The following ARNT variants were observed in gnomAD, a reference collection of about 807,000 sequenced individuals.
ARNT encodes aryl hydrocarbon receptor nuclear translocator.
A neutral mutation model predicts 105.0 loss-of-function variants in ARNT; 30 were observed. The ratio of observed to expected loss-of-function variants is 0.29; its 90% CI spans 0.21 to 0.39. ARNT has a LOEUF of 0.39. Among genes scored for constraint, ARNT ranks in the 10% least tolerant of loss-of-function variants. ARNT has a pLI of 1.00. For missense variants in ARNT, 748 were observed against 978.7 expected (o/e 0.76, Z 3.15); for synonymous variants, 304 against 344.0 (o/e 0.88, Z 1.29).
At chr1:150,834,238 G>A (rs1659868603) in intron 8 of ARNT, among the ~76,000 whole-genome samples, 1 of 152,082 alleles carries the variant, frequency 6.6e-6, no homozygotes. Flanking sequence ...ACTGCACCTG[G>A]CCAAGTTCAT....
At chr1:150,813,482 T>A in intron 20 of ARNT, 144 bp from the exon 21 acceptor site, 1 of 843,776 alleles carries the variant, frequency 1.2e-6, no homozygotes. Flanking sequence ...ATGCCTTTTC[T>A]ATCTCAAAAC....
At chr1:150,840,712 A>G (rs1003563518) in intron 5 of ARNT, among the ~76,000 whole-genome samples, 1 of 152,224 alleles carries the variant, frequency 6.6e-6, no homozygotes, top group African/African-American at 2.4e-5. Context: ...AAGGTCTGAC[A>G]AGACAATTTG....
At chr1:150,860,218 C>T (rs199939658) in intron 1 of ARNT, among the ~76,000 whole-genome samples, 65 of 112,976 alleles carry the variant, frequency 5.8e-4, no homozygotes, top group Middle Eastern at 5.6e-3. Flanking sequence ...AAAAAAAATT[C>T]TTTTTTTTTT....
intron 5 of ARNT, among the ~76,000 whole-genome samples, chr1:150,841,185 C>T (rs1025466174): frequency 3.3e-5 from 5 of 151,036 alleles, no homozygotes; most frequent in Admixed American, 2.0e-4. Context: ...CTCTTGACCT[C>T]GTGATCTGCC....
At chr1:150,843,542 C>T (rs1265560856) in intron 4 of ARNT, among the ~76,000 whole-genome samples, 8 of 152,138 alleles carry the variant, frequency 5.3e-5, no homozygotes, top group African/African-American at 1.2e-4. Flanking sequence ...TAAAAATTTA[C>T]GCATATATTC....
chr1:150,842,128 C>A (rs1025083376), intron 5 of ARNT: 7 of 315,302 alleles, frequency 2.2e-5, no homozygotes, highest in Non-Finnish European at 3.2e-5. Flanking sequence ...GGTTGCATTC[C>A]TTCTAAGAGC....
rs181955762 is a variant in ARNT at position 150,858,944 on chromosome 1, G to A, written c.26-484C>T. The stretch of plus-strand genomic sequence containing the variant: ...GGTCTCTTCTTGAATTCTTACACTG[G>A]TACAAGATATCCCCATACTTCAGTT... On this transcript the variant is annotated intron_variant, in intron 1 of 21. Transcript: ENST00000358595. Among the ~76,000 whole-genome samples, 203 of 151,526 alleles carry A rather than the reference G, an allele frequency of 1.3e-3. 1 individual carries two copies. The highest frequency in any genetic ancestry group is 1.7e-3 in the Non-Finnish European group (118 of 67,894).
chr1:150,834,510 A>C, intron 8 of ARNT, 28 bp downstream of exon 8: 1 of 1,606,060 alleles, frequency 6.2e-7, no homozygotes, highest in Non-Finnish European at 8.5e-7. Flanking sequence ...TTCCTATACC[A>C]AATCACAATC....
At chr1:150,821,330 T>C (rs1421539412) in intron 14 of ARNT, among the ~76,000 whole-genome samples, 1 of 152,204 alleles carries the variant, frequency 6.6e-6, no homozygotes, top group African/African-American at 2.4e-5. Context: ...TGTTCCCAAA[T>C]GTTATTCAAG....
rs1394920588 is a variant in ARNT at position 150,810,895 on chromosome 1, G to A, written c.*1126C>T. The A allele has an allele frequency of 4.4e-6, 1 of 225,464 alleles. No individual in the cohort carries two copies. Among genetic ancestry groups the A allele is most frequent in the African/African-American group, 2.2e-5 (1 of 44,866 alleles). 14.0% of individuals were successfully genotyped at this position (225,464 alleles called of 1,614,324 possible). ...AAATCTCAGTTGCTTGCTAAACTGGGTATTTTGAGTATGGGATGAAAGAGG... is the reference window on the plus strand; with the variant it reads ...AAATCTCAGTTGCTTGCTAAACTGGATATTTTGAGTATGGGATGAAAGAGG... On this transcript the variant is annotated 3_prime_UTR_variant, in exon 22 of 22. Transcript: ENST00000358595.
chr1:150,868,698 G>A (rs1004282184), intron 1 of ARNT, among the ~76,000 whole-genome samples: 6 of 151,960 alleles, frequency 3.9e-5, no homozygotes, highest in African/African-American at 9.6e-5. Context: ...TCAGGAGATC[G>A]AGACCATCCT....
In ARNT at chr1:150,826,625, A is replaced by G; in HGVS notation, c.1168-8T>C. ...ATTCTTTCCTAAGAGTTCCTAGAAT[A>G]CAGAAAGAAGAGTAAGATATATACT... On this transcript the variant is annotated splice_region_variant and splice_polypyrimidine_tract_variant and intron_variant, in intron 12 of 21. Coordinates refer to ENST00000358595, the MANE Select transcript of ARNT (RefSeq NM_001668.4). 6.3e-7 allele frequency: 1 copy of G among 1,599,138 alleles called. No homozygotes were observed. Among genetic ancestry groups the G allele is most frequent in the Non-Finnish European group, 8.6e-7 (1 of 1,168,374 alleles).
chr1:150,864,955 T>C (rs1239110175), intron 1 of ARNT, among the ~76,000 whole-genome samples: 2 of 149,256 alleles, frequency 1.3e-5, no homozygotes, highest in African/African-American at 4.9e-5. Flanking sequence ...AGAGAAAGCT[T>C]TGAATGCCAC....
At chr1:150,838,967 C>T (rs961598428) in intron 6 of ARNT, among the ~76,000 whole-genome samples, 1 of 152,194 alleles carries the variant, frequency 6.6e-6, no homozygotes, top group Admixed American at 6.5e-5. Context: ...TTTACGCCTT[C>T]TTTTTTTCAT....
At chr1:150,833,792 A>G (rs1319363052) in intron 8 of ARNT, among the ~76,000 whole-genome samples, 1 of 152,098 alleles carries the variant, frequency 6.6e-6, no homozygotes, top group Non-Finnish European at 1.5e-5. Flanking sequence ...AAAAAAAAAA[A>G]GAAGAAATGG....
chr1:150,871,294 GTTTTTTTT>G (rs754698911), intron 1 of ARNT, among the ~76,000 whole-genome samples: 5 of 94,620 alleles, frequency 5.3e-5, no homozygotes, highest in Non-Finnish European at 8.2e-5. Context: ...GGCAGTCGTG[GTTTTTTTT>G]TTTTTTTTTT....
In ARNT at chr1:150,816,399, C is replaced by T. The variant is rs114389253; in HGVS notation, c.1810G>A (p.Gly604Ser). 5.0e-4 allele frequency: 808 copies of T among 1,604,000 alleles called. No individual in the cohort carries two copies. The highest frequency in any genetic ancestry group is 6.5e-4 in the Non-Finnish European group (768 of 1,177,264). ...ACAATGGTTACAGGAGGGGCTAGGC[C>T]ACTATTCCTAGGAGTGAATAAATGA... ...PRPAENFRNS[G>S]LAPPVTIVQP... The change falls in exon 19 of 22, where the codon GGC becomes AGC. Residue 604 changes from glycine (G) to serine (S), a missense_variant. Coordinates refer to ENST00000358595, the MANE Select transcript of ARNT (RefSeq NM_001668.4).
chr1:150,835,192 A>C (rs1200844010), intron 7 of ARNT, among the ~76,000 whole-genome samples: 1 of 151,978 alleles, frequency 6.6e-6, no homozygotes. Context: ...AAAACCAAGT[A>C]ATTTTATATG....
intron 1 of ARNT, chr1:150,861,228 TG>T: frequency 3.0e-6 from 1 of 332,604 alleles, no homozygotes. Context: ...AAAATAAAAC[TG>T]GGTGCAGTGG....
Sources: allele counts gnomAD v4.1 joint callset (sites outside exome capture counted in the v4.1 genomes callset), GRCh38; gene constraint gnomAD v4.1.1; transcripts MANE v1.5; gene names NCBI Gene and HGNC (gene_info 2026-07-23, HGNC 2026-07-21).